The following PHLDB2 variants were observed in gnomAD, a reference collection of about 807,000 sequenced individuals.
PHLDB2 encodes pleckstrin homology like domain family B member 2.
PHLDB2 carries 71 observed loss-of-function variants against 123.6 expected under a neutral mutation model. The ratio of observed to expected loss-of-function variants is 0.57; its 90% CI spans 0.47 to 0.70. The LOEUF is 0.70. PHLDB2 is among the 30% of genes least tolerant of loss of function. PHLDB2 has a pLI of 0.00. For synonymous variants in PHLDB2, 547 were observed against 541.6 expected (o/e 1.01, Z -0.14); for missense variants, 1,446 against 1,519.5 (o/e 0.95, Z 0.80).
At chr3:111,779,725 A>G in intron 1 of PHLDB2, 1 of 441,904 alleles carries the variant, frequency 2.3e-6, no homozygotes, top group Non-Finnish European at 3.0e-6. Flanking sequence ...GCTCTTGTGA[A>G]TGGCGTTAAG....
intron 10 of PHLDB2, among the ~76,000 whole-genome samples, chr3:111,951,670 A>AT (rs1185611166): frequency 6.6e-6 from 1 of 152,180 alleles, no homozygotes; most frequent in Non-Finnish European, 1.5e-5. Flanking sequence ...GGGAATATGA[A>AT]TATCTCTTAA....
intron 1 of PHLDB2, among the ~76,000 whole-genome samples, chr3:111,860,300 G>C (rs1384313310): frequency 2.6e-5 from 4 of 152,288 alleles, no homozygotes; most frequent in Non-Finnish European, 4.4e-5. Context: ...TTTCTTTCAA[G>C]AGTGAACCTA....
intron 1 of PHLDB2, among the ~76,000 whole-genome samples, chr3:111,820,444 C>A (rs996423313): frequency 6.6e-6 from 1 of 152,182 alleles, no homozygotes; most frequent in Admixed American, 6.5e-5. Context: ...AGTGGAAACA[C>A]TATAGTGATG....
chr3:111,799,132 A>G (rs2061284707), intron 1 of PHLDB2, among the ~76,000 whole-genome samples: 1 of 152,204 alleles, frequency 6.6e-6, no homozygotes, highest in South Asian at 2.1e-4. Flanking sequence ...GCATGGGGGA[A>G]ACCACCCCCG....
intron 12 of PHLDB2, chr3:111,958,744 T>G (rs1482569992): frequency 2.2e-6 from 1 of 455,932 alleles, no homozygotes; most frequent in Non-Finnish European, 4.4e-6. Flanking sequence ...TTTTAGTTGC[T>G]TTCCCACTGA....
chr3:111,756,744 C>T (rs1455593962), intron 1 of PHLDB2, among the ~76,000 whole-genome samples: 3 of 152,122 alleles, frequency 2.0e-5, no homozygotes, highest in African/African-American at 4.8e-5. Flanking sequence ...TTCCTAGCCT[C>T]GATGGTCTTT....
intron 2 of PHLDB2, among the ~76,000 whole-genome samples, chr3:111,908,704 T>G (rs950670018): frequency 2.0e-5 from 3 of 152,166 alleles, no homozygotes; most frequent in Non-Finnish European, 4.4e-5. Flanking sequence ...CAGAAAGAGG[T>G]GAACTGATTG....
At chr3:111,954,772 C>G (rs1053430923) in intron 12 of PHLDB2, among the ~76,000 whole-genome samples, 3 of 152,076 alleles carry the variant, frequency 2.0e-5, no homozygotes, top group African/African-American at 7.2e-5. Context: ...GGAAGCTTGC[C>G]TTTGAAATGT....
intron 1 of PHLDB2, among the ~76,000 whole-genome samples, chr3:111,861,047 C>G (rs2064811073): frequency 1.3e-5 from 2 of 152,186 alleles, no homozygotes; most frequent in Admixed American, 1.3e-4. Flanking sequence ...TGGGAGAGAT[C>G]TAAATGAGGT....
intron 9 of PHLDB2, among the ~76,000 whole-genome samples, chr3:111,947,243 G>C (rs1244878858): frequency 6.6e-6 from 1 of 152,168 alleles, no homozygotes. Context: ...TTCCTTTTCT[G>C]TTAATGAGTT....
chr3:111,953,746 CT>C, intron 11 of PHLDB2, 183 bp from the exon 12 acceptor site: 1 of 491,974 alleles, frequency 2.0e-6, no homozygotes, highest in South Asian at 2.9e-5. Context: ...TGCGACTACC[CT>C]GGAACTTCTC....
intron 13 of PHLDB2, among the ~76,000 whole-genome samples, chr3:111,963,936 T>C (rs2107670510): frequency 6.6e-6 from 1 of 152,338 alleles, no homozygotes; most frequent in East Asian, 1.9e-4. Flanking sequence ...TTTTCCATCA[T>C]AATAATGGGT....
At chr3:111,801,274 T>C (rs1359968927) in intron 1 of PHLDB2, among the ~76,000 whole-genome samples, 2 of 152,116 alleles carry the variant, frequency 1.3e-5, no homozygotes, top group East Asian at 1.9e-4. Flanking sequence ...CAGGGCCACA[T>C]TGAAATAACC....
intron 2 of PHLDB2, among the ~76,000 whole-genome samples, chr3:111,849,398 T>TG (rs2064152972): frequency 6.6e-6 from 1 of 152,184 alleles, no homozygotes. Flanking sequence ...CTCAAACTCC[T>TG]GGGCTCAAAT....
At position 111,830,989 on chromosome 3, in the gene PHLDB2, G is replaced by GAAAA. The variant is rs1220710317; in HGVS notation, c.-48-14829_-48-14828insAAAA. 1.8e-4 allele frequency among the ~76,000 whole-genome samples: 12 copies of GAAAA among 65,462 alleles called. 2 individuals are homozygous for GAAAA. Among genetic ancestry groups the GAAAA allele is most frequent in the Admixed American group, 3.5e-4 (2 of 5,738 alleles). 42.9% of individuals were successfully genotyped at this position (65,462 alleles called of 152,430 possible). On this transcript the variant is annotated intron_variant, in intron 1 of 17. Coordinates refer to the PHLDB2 transcript ENST00000393923. ...AGAAAGAAAGAAAGAAAGAAAGAAA[G>GAAAA]AAAGAAAGAAAGAAAGAAAGAAAGA...
At chr3:111,830,670 G>A (rs2062913740) in intron 1 of PHLDB2, among the ~76,000 whole-genome samples, 1 of 147,524 alleles carries the variant, frequency 6.8e-6, no homozygotes, top group South Asian at 2.2e-4. Flanking sequence ...TTAGCCGGGC[G>A]TAGTGGCGGG....
At chr3:111,764,529 A>G (rs1185774105) in intron 1 of PHLDB2, among the ~76,000 whole-genome samples, 1 of 152,150 alleles carries the variant, frequency 6.6e-6, no homozygotes, top group African/African-American at 2.4e-5. Context: ...TTGTCCCAGC[A>G]TATACATGTT....
At chr3:111,952,476 T>A in intron 10 of PHLDB2, 96 bp from the exon 11 acceptor site, 1 of 1,385,732 alleles carries the variant, frequency 7.2e-7, no homozygotes, top group East Asian at 2.3e-5. Context: ...CTGTTAAAAT[T>A]CCAGTTTTTT....
At chr3:111,949,130 ACC>A in intron 10 of PHLDB2, 55 bp downstream of exon 10, 1 of 1,590,276 alleles carries the variant, frequency 6.3e-7, no homozygotes. Flanking sequence ...TCAGAAATTA[ACC>A]CACGGCCAAC....
Sources: gnomAD v4.1 joint callset for allele counts (sites outside exome capture counted in the v4.1 genomes callset) on GRCh38, gnomAD v4.1.1 for gene constraint, MANE v1.5 for transcripts, NCBI Gene and HGNC (gene_info 2026-07-23, HGNC 2026-07-21) for gene names.